EYA1: variants seen among roughly 807,000 people sequenced by gnomAD.
EYA1 encodes protein phosphatase EYA1.
A neutral mutation model predicts 82.0 loss-of-function variants in EYA1; 16 were observed. The observed-to-expected ratio is 0.20, with a 90% confidence interval of 0.13 to 0.30. The LOEUF (loss-of-function observed/expected upper bound fraction) is 0.30, where lower values mean the gene tolerates loss of function less well. Ranked by LOEUF, EYA1 falls within the 10% of genes least tolerant of loss-of-function variation. The pLI, the probability that EYA1 is intolerant of heterozygous loss-of-function variation, is 1.00. For synonymous variants in EYA1, 261 were observed against 264.4 expected (o/e 0.99, Z 0.12); for missense variants, 633 against 730.7 (o/e 0.87, Z 1.54).
rs1809095270 is a variant in EYA1 at position 71,215,636 on chromosome 8, C to A, written c.1453G>T (p.Ala485Ser). The A allele has an allele frequency of 6.2e-7, 1 of 1,614,114 alleles. No homozygotes were observed. Residue 485 changes from alanine to serine, a missense_variant, in exon 15 of 18, where the codon GCA (alanine) becomes TCA (serine). Ala to Ser is a moderately conservative substitution (Grantham distance 99). Transcript: ENST00000340726. ...CACCGGGAGTGAATGAGCGAGAGTG[C>A]TTTCAGGGCCAGTGTCAACCAGGAG... Reference protein sequence around the residue: ...TDSWLTLALKALSLIHSRTNC... With the variant: ...TDSWLTLALKSLSLIHSRTNC...
At chr8:71,513,724 C>A (rs1213657787) in intron 2 of EYA1, among the ~76,000 whole-genome samples, 2 of 151,958 alleles carry the variant, frequency 1.3e-5, no homozygotes, top group Non-Finnish European at 2.9e-5. Context: ...TTTTTCTGTA[C>A]CCCTTAACCC....
At chr8:71,224,169 T>C (rs55774100) in intron 12 of EYA1, among the ~76,000 whole-genome samples, 1,648 of 152,294 alleles carry the variant, frequency 0.011, 38 homozygotes, top group African/African-American at 0.037. Flanking sequence ...TAAAAGGGAA[T>C]AATATGAAAA....
At position 71,236,451 on chromosome 8, in the gene EYA1, C is replaced by G. The variant is rs186074057; in HGVS notation, c.1140+8152G>C. Among the ~76,000 whole-genome samples, 9 of 152,234 alleles carry G rather than the reference C, an allele frequency of 5.9e-5. No individual in the cohort carries two copies. In the East Asian group the frequency reaches 1.2e-3, roughly 20 times the overall value. On this transcript the variant is annotated intron_variant, in intron 12 of 17. Transcript: ENST00000340726. ...TTGAAATCGACCATGAATACCTTCC[C>G]TATATACAATAAATTGTCTTAAAAC... is the stretch of plus-strand genomic sequence containing the variant.
At chr8:71,542,112 G>C (rs565364540) in intron 1 of EYA1, among the ~76,000 whole-genome samples, 10 of 152,196 alleles carry the variant, frequency 6.6e-5, no homozygotes, top group African/African-American at 2.4e-4. Context: ...GTGCAGGTTT[G>C]TTATATAGGT....
chr8:71,397,116 CT>C (rs1004627603), intron 2 of EYA1, among the ~76,000 whole-genome samples: 2 of 151,934 alleles, frequency 1.3e-5, no homozygotes, highest in South Asian at 2.1e-4. Flanking sequence ...GCAACCCCTG[CT>C]TTTTTTTGTT....
intron 2 of EYA1, among the ~76,000 whole-genome samples, chr8:71,395,686 C>T (rs1004834527): frequency 2.0e-5 from 3 of 152,006 alleles, no homozygotes; most frequent in Non-Finnish European, 4.4e-5. Context: ...CTGCAGGATT[C>T]GGCTTGCCAG....
At chr8:71,270,021 G>A (rs1247000901) in intron 10 of EYA1, among the ~76,000 whole-genome samples, 198 bp from the exon 11 acceptor site, 1 of 152,106 alleles carries the variant, frequency 6.6e-6, no homozygotes, top group African/African-American at 2.4e-5. Flanking sequence ...AGGTGCAAGA[G>A]GATAATTACA....
In EYA1 at chr8:71,441,169, A is replaced by C. The variant is rs1806409019; in HGVS notation, c.34-84658T>G. ...ACAGGAGATTTCATAAGACATGAAC[A>C]CTGTATATATGCAAACAGAATGACT... On this transcript the variant is annotated intron_variant, in intron 2 of 18. Coordinates refer to the EYA1 transcript ENST00000643681. 2.0e-5 allele frequency among the ~76,000 whole-genome samples: 3 copies of C among 152,162 alleles called. No homozygotes were observed. In the South Asian group the frequency reaches 6.2e-4, roughly 32 times the overall value.
chr8:71,466,288 C>T (rs1808764233), intron 2 of EYA1, among the ~76,000 whole-genome samples: 1 of 152,018 alleles, frequency 6.6e-6, no homozygotes, highest in African/African-American at 2.4e-5. Context: ...CGAGTAAGCA[C>T]AAAACATTCA....
intron 2 of EYA1, among the ~76,000 whole-genome samples, chr8:71,374,928 G>C (rs1563547819): frequency 1.3e-5 from 2 of 152,136 alleles, no homozygotes; most frequent in Non-Finnish European, 2.9e-5. Flanking sequence ...TTTATATATG[G>C]AATATTTTCT....
chr8:71,399,820 C>T (rs1176239827), intron 2 of EYA1, among the ~76,000 whole-genome samples: 2 of 152,096 alleles, frequency 1.3e-5, no homozygotes, highest in African/African-American at 4.8e-5. Flanking sequence ...TATGGAGCCA[C>T]AAAAGAGCCT....
chr8:71,286,841 C>T (rs1490527729), intron 9 of EYA1, among the ~76,000 whole-genome samples: 2 of 138,252 alleles, frequency 1.4e-5, no homozygotes, highest in East Asian at 2.1e-4. Context: ...CTTACTCTCT[C>T]ATGCAGGCTG....
At chr8:71,471,689 G>C (rs904189181) in intron 2 of EYA1, among the ~76,000 whole-genome samples, 2 of 152,020 alleles carry the variant, frequency 1.3e-5, no homozygotes, top group Non-Finnish European at 2.9e-5. Context: ...ACAGCATGGA[G>C]CTTCTACCTT....
intron 12 of EYA1, among the ~76,000 whole-genome samples, chr8:71,229,390 TTGA>T (rs1043095300): frequency 8.1e-4 from 123 of 152,246 alleles, no homozygotes; most frequent in Middle Eastern, 3.4e-3. Flanking sequence ...AACTCTGCAT[TTGA>T]TGAATAAGCA....
chr8:71,437,763 T>C (rs930878476), intron 2 of EYA1, among the ~76,000 whole-genome samples: 10 of 151,806 alleles, frequency 6.6e-5, no homozygotes, highest in African/African-American at 2.4e-4. Context: ...AAATGAAAAT[T>C]GAATGACTGT....
At chr8:71,414,617 C>A (rs1830765133) in intron 2 of EYA1, among the ~76,000 whole-genome samples, 1 of 152,202 alleles carries the variant, frequency 6.6e-6, no homozygotes, top group Non-Finnish European at 1.5e-5. Flanking sequence ...AAACAGTTTT[C>A]TTAGCCTGTT....
At chr8:71,206,675 T>C (rs1356776183) in intron 17 of EYA1, among the ~76,000 whole-genome samples, 2 of 149,406 alleles carry the variant, frequency 1.3e-5, no homozygotes, top group Non-Finnish European at 3.0e-5. Context: ...GATTCCTTCA[T>C]AGGATTATGA....
At chr8:71,532,970 G>A (rs1056652684) in intron 2 of EYA1, among the ~76,000 whole-genome samples, 1 of 152,218 alleles carries the variant, frequency 6.6e-6, no homozygotes, top group Non-Finnish European at 1.5e-5. Flanking sequence ...ACGGACATGT[G>A]CAACATCACT....
intron 2 of EYA1, chr8:71,529,688 T>TGC (rs1814106806): frequency 1.3e-5 from 2 of 151,476 alleles, no homozygotes; most frequent in African/African-American, 4.9e-5. Context: ...GGTCAGAGGT[T>TGC]TTCTTCCTAC....
Sources: allele counts gnomAD v4.1 joint callset (sites outside exome capture counted in the v4.1 genomes callset), GRCh38; gene constraint gnomAD v4.1.1; transcripts MANE v1.5; gene names NCBI Gene and HGNC (gene_info 2026-07-23, HGNC 2026-07-21).